Variants in ACSS3 observed in about 807,000 individuals in gnomAD.
The protein encoded by ACSS3 is acyl-CoA synthetase short-chain family member 3, mitochondrial.
ACSS3 carries 64 observed loss-of-function variants against 84.2 expected under a neutral mutation model. The ratio of observed to expected loss-of-function variants is 0.76; its 90% CI spans 0.62 to 0.94. The LOEUF (loss-of-function observed/expected upper bound fraction) is 0.94. Among genes scored for constraint, ACSS3 ranks in the 40% least tolerant of loss-of-function variants. The pLI is 0.00. For missense variants in ACSS3, 815 were observed against 867.6 expected (o/e 0.94, Z 0.76); for synonymous variants, 317 against 310.1 (o/e 1.02, Z -0.23).
intron 11 of ACSS3, among the ~76,000 whole-genome samples, chr12:81,224,834 C>T (rs891839620): frequency 2.0e-5 from 3 of 151,814 alleles, no homozygotes; most frequent in Non-Finnish European, 4.4e-5. Context: ...CGCTACTGCC[C>T]GTTAGTCACT....
Position 81,259,773 on chromosome 12 carries a change from A to C in ACSS3, c.*4851A>C. 1.2e-6 allele frequency: 1 copy of C among 834,354 alleles called. No individual in the cohort carries two copies. The highest frequency in any genetic ancestry group is 1.8e-6 in the Non-Finnish European group (1 of 549,220). The allele number at this position is 834,354 out of a possible 1,614,324, so 51.7% of individuals were successfully genotyped here. ...AGCCTGCTTACTCCTGTCCTAGAAG[A>C]TCATGAGAAGGAAATCATCTAGGAT... On this transcript the variant is annotated 3_prime_UTR_variant, in exon 16 of 16. Transcript: ENST00000548058.
At chr12:81,234,200 C>A (rs1349793090) in intron 13 of ACSS3, among the ~76,000 whole-genome samples, 5 of 151,302 alleles carry the variant, frequency 3.3e-5, no homozygotes, top group Non-Finnish European at 7.4e-5. Flanking sequence ...ATTTTAGATT[C>A]TTCCAAGTTG....
intron 8 of ACSS3, among the ~76,000 whole-genome samples, chr12:81,196,075 C>T (rs946534298): frequency 1.3e-5 from 2 of 152,072 alleles, no homozygotes; most frequent in South Asian, 2.1e-4. Flanking sequence ...AGCTGCATTC[C>T]GTGACACTTG....
intron 9 of ACSS3, among the ~76,000 whole-genome samples, chr12:81,213,124 T>C (rs1438940483): frequency 6.6e-6 from 1 of 152,196 alleles, no homozygotes; most frequent in African/African-American, 2.4e-5. Context: ...TCTAGATTTC[T>C]TGTCTCCATA....
chr12:81,201,674 A>C (rs1039726450), intron 9 of ACSS3, among the ~76,000 whole-genome samples: 1 of 152,186 alleles, frequency 6.6e-6, no homozygotes, highest in Admixed American at 6.5e-5. Flanking sequence ...AGTGACTGTT[A>C]ATTGCCATGG....
chr12:81,218,547 A>T (rs1411054771), intron 10 of ACSS3, among the ~76,000 whole-genome samples: 1 of 152,162 alleles, frequency 6.6e-6, no homozygotes, highest in Admixed American at 6.6e-5. Flanking sequence ...CAAGGCGGAA[A>T]TAGATATTCT....
intron 9 of ACSS3, among the ~76,000 whole-genome samples, chr12:81,216,249 A>G (rs545421252): frequency 4.0e-5 from 6 of 151,694 alleles, no homozygotes; most frequent in Non-Finnish European, 8.8e-5. Flanking sequence ...GAATTAAACA[A>G]TGAGAACACA....
intron 1 of ACSS3, among the ~76,000 whole-genome samples, chr12:81,098,371 G>C (rs1396829135): frequency 2.0e-5 from 3 of 152,110 alleles, no homozygotes; most frequent in Non-Finnish European, 4.4e-5. Flanking sequence ...TTTACTATTA[G>C]AAGTGTTTTG....
intron 11 of ACSS3, among the ~76,000 whole-genome samples, chr12:81,230,088 AT>A (rs2033406906): frequency 6.6e-6 from 1 of 151,752 alleles, no homozygotes; most frequent in Non-Finnish European, 1.5e-5. Context: ...TCTGTGCTTC[AT>A]TTTCAATTTT....
intron 9 of ACSS3, among the ~76,000 whole-genome samples, chr12:81,213,605 C>A (rs1325350626): frequency 5.0e-5 from 1 of 19,836 alleles, no homozygotes; most frequent in Admixed American, 5.1e-4. Flanking sequence ...CCCTCCCCTC[C>A]CCTCCCCTCC....
intron 7 of ACSS3, among the ~76,000 whole-genome samples, chr12:81,157,931 T>TACACACACACACACAC (rs35855433): frequency 6.9e-6 from 1 of 144,130 alleles, no homozygotes; most frequent in East Asian, 2.1e-4. Flanking sequence ...GATTACAGAA[T>TACACACACACACACAC]ACACACACAC....
chr12:81,161,659 C>T (rs1405708080), intron 7 of ACSS3, among the ~76,000 whole-genome samples: 2 of 152,206 alleles, frequency 1.3e-5, no homozygotes, highest in Non-Finnish European at 2.9e-5. Context: ...GCCTCTGCAG[C>T]TGGTGATGCT....
chr12:81,116,029 G>T (rs1216121859), intron 2 of ACSS3, among the ~76,000 whole-genome samples: 1 of 151,922 alleles, frequency 6.6e-6, no homozygotes, highest in Non-Finnish European at 1.5e-5. Context: ...ACATTTAAGT[G>T]GTCTGACCCA....
intron 13 of ACSS3, 30 bp from the exon 14 acceptor site, chr12:81,253,277 A>AT: frequency 1.9e-6 from 3 of 1,573,798 alleles, no homozygotes; most frequent in Non-Finnish European, 2.6e-6. Context: ...AAATAAATGT[A>AT]TTCTAAATGA....
chr12:81,253,455 A>G (rs375161560), intron 14 of ACSS3, 40 bp from the exon 15 acceptor site: 4 of 1,611,300 alleles, frequency 2.5e-6, no homozygotes, highest in East Asian at 4.5e-5. Flanking sequence ...ATAATTAACT[A>G]AGGTTAATTC....
intron 2 of ACSS3, among the ~76,000 whole-genome samples, chr12:81,122,050 A>C (rs7303467): frequency 0.53 from 80,231 of 151,154 alleles, 21,705 homozygotes; most frequent in East Asian, 0.67. Context: ...CTCCTGCCTC[A>C]GCCTCCAGAG....
chr12:81,226,368 G>A (rs1360045232), intron 11 of ACSS3, among the ~76,000 whole-genome samples: 1 of 150,944 alleles, frequency 6.6e-6, no homozygotes, highest in Admixed American at 6.6e-5. Flanking sequence ...CTGATATTTA[G>A]CCGTAGAACT....
Position 81,143,265 on chromosome 12 carries a change from GAT to G in ACSS3, c.921+20_921+21del. The G allele has an allele frequency of 1.9e-6, 3 of 1,562,782 alleles. No individual in the cohort carries two copies. The highest frequency in any genetic ancestry group is 2.6e-6 in the Non-Finnish European group (3 of 1,144,366). On this transcript the variant is annotated intron_variant, in intron 5 of 15. Coordinates refer to ENST00000548058, the MANE Select transcript of ACSS3 (RefSeq NM_024560.4). Reference sequence around the variant, plus strand: ...TACCTAAGGTACTCACTCTCTTAGAGATAACTATCTATAGCAGTAGATTTACT... The same window carrying G: ...TACCTAAGGTACTCACTCTCTTAGAGAACTATCTATAGCAGTAGATTTACT...
At chr12:81,114,264 G>T (rs1883850361) in intron 2 of ACSS3, among the ~76,000 whole-genome samples, 1 of 151,942 alleles carries the variant, frequency 6.6e-6, no homozygotes, top group African/African-American at 2.4e-5. Flanking sequence ...GTAATTTTTT[G>T]AAACATAACT....
Sources: gnomAD v4.1 joint callset for allele counts (sites outside exome capture counted in the v4.1 genomes callset) on GRCh38, gnomAD v4.1.1 for gene constraint, MANE v1.5 for transcripts, NCBI Gene and HGNC (gene_info 2026-07-23, HGNC 2026-07-21) for gene names.